Variants in SORCS2 observed in about 807,000 individuals in gnomAD.
SORCS2 encodes VPS10 domain-containing receptor SorCS2.
SORCS2 carries 100 observed loss-of-function variants against 141.6 expected under a neutral mutation model. The ratio of observed to expected loss-of-function variants is 0.71; its 90% CI spans 0.60 to 0.83. The LOEUF (loss-of-function observed/expected upper bound fraction) is 0.83, where lower values mean the gene tolerates loss of function less well. Among genes scored for constraint, SORCS2 ranks in the 40% least tolerant of loss-of-function variants. SORCS2 has a pLI of 0.00. For synonymous variants in SORCS2, 789 were observed against 676.9 expected, an observed-to-expected ratio of 1.17 and a Z score of -2.57; for missense variants, 1,646 against 1,560.2, an observed-to-expected ratio of 1.05 and a Z score of -0.93.
chr4:7,500,565 T>G (rs1300558183), intron 2 of SORCS2, among the ~76,000 whole-genome samples: 1 of 130,386 alleles, frequency 7.7e-6, no homozygotes, highest in Non-Finnish European at 1.5e-5. Flanking sequence ...GTGTGCCGGC[T>G]GGAGAAATAA....
chr4:7,725,219 A>G lies in SORCS2; in HGVS notation c.2677A>G (p.Thr893Ala). The G allele has an allele frequency of 6.2e-7, 1 of 1,613,600 alleles. No homozygotes were observed. Among genetic ancestry groups the G allele is most frequent in the African/African-American group, 1.3e-5 (1 of 75,010 alleles). ...TGGCCTCAACCAGGAGGTGAACCTC[A>G]CAGCTGTGCTGCTTCCCTTGAACCC... The part of the protein sequence containing the change: ...VIGLNQEVNL[T>A]AVLLPLNPNL... Residue 893 changes from threonine (T) to alanine (A), a missense_variant, in exon 20 of 27, where the codon ACA (threonine) becomes GCA (alanine). Thr to Ala is a moderately conservative substitution (Grantham distance 58, BLOSUM62 0). Transcript: ENST00000507866.
At chr4:7,385,893 G>A (rs1167766739) in intron 1 of SORCS2, among the ~76,000 whole-genome samples, 1 of 152,182 alleles carries the variant, frequency 6.6e-6, no homozygotes, top group Non-Finnish European at 1.5e-5. Context: ...AGCACTGACC[G>A]AATGCTTCCA....
At chr4:7,721,848 C>A (rs574112639) in intron 18 of SORCS2, among the ~76,000 whole-genome samples, 22 of 152,188 alleles carry the variant, frequency 1.4e-4, no homozygotes, top group African/African-American at 5.3e-4. Context: ...TGTATCATTC[C>A]GTACAACTAC....
At chr4:7,459,692 T>A (rs905567973) in intron 2 of SORCS2, among the ~76,000 whole-genome samples, 2 of 152,178 alleles carry the variant, frequency 1.3e-5, no homozygotes, top group Non-Finnish European at 2.9e-5. Flanking sequence ...TCAGGAGGAC[T>A]TCCCAGCATG....
intron 1 of SORCS2, among the ~76,000 whole-genome samples, chr4:7,224,805 C>T (rs1025565889): frequency 2.6e-5 from 4 of 152,222 alleles, no homozygotes; most frequent in Admixed American, 6.5e-5. Context: ...CTTCCCCTTC[C>T]AGGACAGTCC....
chr4:7,426,551 C>G (rs774512084), intron 2 of SORCS2, among the ~76,000 whole-genome samples: 1 of 152,210 alleles, frequency 6.6e-6, no homozygotes, highest in Non-Finnish European at 1.5e-5. Flanking sequence ...TAGCAAGACC[C>G]TCCAGCATTC....
chr4:7,273,467 CTG>C (rs760662772), intron 1 of SORCS2, among the ~76,000 whole-genome samples: 1 of 152,142 alleles, frequency 6.6e-6, no homozygotes, highest in Non-Finnish European at 1.5e-5. Flanking sequence ...TGGGCTGAGA[CTG>C]TCTCCATGGC....
At chr4:7,641,929 G>T (rs1044933594) in intron 4 of SORCS2, among the ~76,000 whole-genome samples, 3 of 127,584 alleles carry the variant, frequency 2.4e-5, no homozygotes, top group African/African-American at 8.0e-5. Flanking sequence ...CAGATGGATG[G>T]ATAGATGATG....
At chr4:7,483,408 A>G (rs61105893) in intron 2 of SORCS2, among the ~76,000 whole-genome samples, 54,545 of 151,640 alleles carry the variant, frequency 0.36, 10,616 homozygotes, top group East Asian at 0.62. Flanking sequence ...CTGCCAGCCA[A>G]AGAACGCAGG....
chr4:7,420,756 G>A (rs1006761475), intron 2 of SORCS2, among the ~76,000 whole-genome samples: 1 of 152,176 alleles, frequency 6.6e-6, no homozygotes, highest in African/African-American at 2.4e-5. Context: ...GGACCCACAC[G>A]GTCCTGAGGC....
At chr4:7,609,629 C>T (rs575667256) in intron 3 of SORCS2, among the ~76,000 whole-genome samples, 35 of 152,246 alleles carry the variant, frequency 2.3e-4, no homozygotes, top group Admixed American at 6.5e-5. Context: ...GGCCTAGGGC[C>T]TGGCACATAA....
intron 1 of SORCS2, among the ~76,000 whole-genome samples, chr4:7,357,928 C>A (rs114484925): frequency 0.012 from 1,835 of 152,286 alleles, 35 homozygotes; most frequent in African/African-American, 0.041. Context: ...GAGCAGAAGA[C>A]CATGGTTCCT....
intron 22 of SORCS2, 65 bp downstream of exon 22, chr4:7,728,527 G>C: frequency 4.1e-6 from 5 of 1,215,390 alleles, no homozygotes; most frequent in Non-Finnish European, 5.7e-6. Flanking sequence ...AGAAGCCCAA[G>C]GGCCCCGGGG....
At position 7,725,136 on chromosome 4, in the gene SORCS2, CT is replaced by C; in HGVS notation, c.2612-13del. ...TGCCCTGATATCATCTAACCCTGGC[CT>C]TTTTGGGTCCCCACAGCCCCCCTGC... On this transcript the variant is annotated splice_polypyrimidine_tract_variant and intron_variant, in intron 19 of 26. Coordinates refer to ENST00000507866, the MANE Select transcript of SORCS2 (RefSeq NM_020777.3). 1 of 1,610,642 alleles carries C rather than the reference CT, an allele frequency of 6.2e-7. No individual in the cohort carries two copies.
chr4:7,525,092 T>C (rs577270421), intron 2 of SORCS2, among the ~76,000 whole-genome samples: 11 of 152,182 alleles, frequency 7.2e-5, no homozygotes, highest in Non-Finnish European at 1.5e-4. Context: ...TTGCAATAAA[T>C]CTTCATCATT....
At chr4:7,404,240 A>G (rs1382101789) in intron 2 of SORCS2, among the ~76,000 whole-genome samples, 1 of 151,976 alleles carries the variant, frequency 6.6e-6, no homozygotes, top group Non-Finnish European at 1.5e-5. Context: ...TTATCCAGTC[A>G]TCCATTGATA....
Position 7,689,601 on chromosome 4 carries a change from C to T in SORCS2, c.1591+13C>T. The T allele has an allele frequency of 1.3e-6, 2 of 1,567,898 alleles. No homozygotes were observed. Among genetic ancestry groups the T allele is most frequent in the Non-Finnish European group, 1.7e-6 (2 of 1,156,650 alleles). ...ATCATGGGTGCAGGTAGGTGGCTTC[C>T]ATCACAGGTGGCTGGCAGGTGCCAT... On this transcript the variant is annotated intron_variant, in intron 11 of 26. Transcript: ENST00000507866.
intron 2 of SORCS2, among the ~76,000 whole-genome samples, chr4:7,496,526 G>T (rs1379917884): frequency 1.4e-5 from 2 of 141,762 alleles, no homozygotes; most frequent in African/African-American, 5.1e-5. Flanking sequence ...CACGGAGGCT[G>T]TAAAATTAGC....
At chr4:7,359,303 A>G (rs1367090946) in intron 1 of SORCS2, among the ~76,000 whole-genome samples, 3 of 124,684 alleles carry the variant, frequency 2.4e-5, no homozygotes, top group Non-Finnish European at 5.6e-5. Flanking sequence ...TAAGCAAACA[A>G]GCAAATAAAC....
Sources: gnomAD v4.1 joint callset for allele counts (sites outside exome capture counted in the v4.1 genomes callset) on GRCh38, gnomAD v4.1.1 for gene constraint, MANE v1.5 for transcripts, NCBI Gene and HGNC (gene_info 2026-07-23, HGNC 2026-07-21) for gene names.